PPM1A: variants seen among roughly 807,000 people sequenced by gnomAD.
PPM1A encodes the protein protein phosphatase, Mg2+/Mn2+ dependent 1A, also known as protein phosphatase 1A.
In PPM1A, 7 loss-of-function variants were observed where a neutral mutation model predicts 35.0. The observed-to-expected ratio is 0.20, with a 90% confidence interval of 0.11 to 0.38. PPM1A has a LOEUF of 0.38. Ranked by LOEUF, PPM1A falls within the 10% of genes least tolerant of loss-of-function variation. The pLI is 1.00. For synonymous variants in PPM1A, 153 were observed against 167.3 expected (o/e 0.91, Z 0.66); for missense variants, 239 against 467.8 (o/e 0.51, Z 4.51).
chr14:60,286,824 G>A (rs1887066266), intron 3 of PPM1A: 1 of 982,726 alleles, frequency 1.0e-6, no homozygotes, highest in African/African-American at 1.8e-5. Flanking sequence ...CATCTAGTAT[G>A]TGTTTGTACT....
chr14:60,292,342 C>G lies in PPM1A; in HGVS notation c.1120-111C>G. The G allele has an allele frequency of 1.3e-6, 1 of 763,168 alleles. No individual in the cohort carries two copies. Among genetic ancestry groups the G allele is most frequent in the Non-Finnish European group, 2.2e-6 (1 of 459,840 alleles). 47.3% of individuals were successfully genotyped at this position (763,168 alleles called of 1,614,324 possible). A position where few individuals can be genotyped will look rare whatever the true frequency, so the allele number is the denominator to read the frequency against. On this transcript the variant is annotated intron_variant, in intron 5 of 5. Transcript: ENST00000395076. This position sits in a 1 kb window ranked among gnomAD's most constrained non-coding sequence, Gnocchi z 4.2. ...ATATACTTTAAAAAACATTTATATT[C>G]TAAAAGTCATCTTTACAGAACATTA...
chr14:60,255,655 G>A (rs1216821160), intron 1 of PPM1A, among the ~76,000 whole-genome samples: 3 of 152,198 alleles, frequency 2.0e-5, no homozygotes, highest in Non-Finnish European at 4.4e-5. Context: ...AGTGATTGTT[G>A]TAGGAGGAGG....
chr14:60,254,445 G>A (rs1177863779), intron 1 of PPM1A, among the ~76,000 whole-genome samples: 1 of 152,186 alleles, frequency 6.6e-6, no homozygotes, highest in African/African-American at 2.4e-5. Context: ...TGATCAGTCA[G>A]TAAGGAAGGA....
At chr14:60,251,816 A>G (rs1882454919) in intron 1 of PPM1A, among the ~76,000 whole-genome samples, 1 of 151,912 alleles carries the variant, frequency 6.6e-6, no homozygotes, top group African/African-American at 2.4e-5. Flanking sequence ...TTCTTTTGGG[A>G]TTGGGATGTG....
At chr14:60,246,594 C>T (rs545720944), upstream of PPM1A, among the ~76,000 whole-genome samples, 50 of 152,236 alleles carry the variant, frequency 3.3e-4, no homozygotes, top group African/African-American at 1.2e-3. Flanking sequence ...CAAAGTCTTA[C>T]AGTTCAGAAG....
At chr14:60,250,830 C>T (rs1357144146) in intron 1 of PPM1A, among the ~76,000 whole-genome samples, 1 of 152,232 alleles carries the variant, frequency 6.6e-6, no homozygotes, top group Non-Finnish European at 1.5e-5. Flanking sequence ...TCTGCTGAGA[C>T]TTAGGGTTCC....
At chr14:60,264,372 G>A (rs1884134086) in intron 1 of PPM1A, among the ~76,000 whole-genome samples, 1 of 151,150 alleles carries the variant, frequency 6.6e-6, no homozygotes, top group Admixed American at 6.6e-5. Flanking sequence ...TCTTTATTCT[G>A]TCACCACTAC....
intron 1 of PPM1A, among the ~76,000 whole-genome samples, chr14:60,262,935 C>A (rs1566577509): frequency 6.6e-6 from 1 of 152,064 alleles, no homozygotes; most frequent in Non-Finnish European, 1.5e-5. Context: ...ATGAATAGTT[C>A]CTGGGTTTTG....
rs754116128 is a variant in PPM1A, at chr14:60,273,054, TCTC to T, written c.-20-9629_-20-9627del. ...AGGCTTCAACTGAGGAACACTTTCT[TCTC>T]ATTTCTTTGATGATAGCTTCTCTGT... On this transcript the variant is annotated intron_variant, in intron 1 of 5. Coordinates refer to ENST00000395076, the MANE Select transcript of PPM1A (RefSeq NM_021003.5). The surrounding 1 kb of genome is among the most constrained non-coding windows in gnomAD (Gnocchi z 4.3). 3.0e-4 allele frequency among the ~76,000 whole-genome samples: 46 copies of T among 152,330 alleles called. No homozygotes were observed. Among genetic ancestry groups the T allele is most frequent in the African/African-American group, 8.7e-4 (36 of 41,582 alleles).
chr14:60,254,487 T>C (rs1165626440), intron 1 of PPM1A, among the ~76,000 whole-genome samples: 1 of 152,094 alleles, frequency 6.6e-6, no homozygotes, highest in African/African-American at 2.4e-5. Flanking sequence ...GGAGTTACAG[T>C]TTATGGTTAG....
intron 3 of PPM1A, 116 bp downstream of exon 3, chr14:60,285,857 T>C: frequency 6.8e-7 from 1 of 1,465,446 alleles, no homozygotes; most frequent in Non-Finnish European, 9.0e-7. Context: ...GTGTCTAGTG[T>C]ATGAAAGTGG....
At chr14:60,259,139 C>G (rs1028916163) in intron 1 of PPM1A, among the ~76,000 whole-genome samples, 2 of 151,958 alleles carry the variant, frequency 1.3e-5, no homozygotes, top group Non-Finnish European at 2.9e-5. Flanking sequence ...CCTACATACA[C>G]AAAAAAATTG....
chr14:60,252,037 C>A (rs1357033654), intron 1 of PPM1A, among the ~76,000 whole-genome samples: 1 of 152,186 alleles, frequency 6.6e-6, no homozygotes, highest in East Asian at 1.9e-4. Context: ...TGAAAGAAAT[C>A]TATAGCAACA....
At chr14:60,288,709 C>G (rs1887292783) in intron 3 of PPM1A, among the ~76,000 whole-genome samples, 2 of 151,686 alleles carry the variant, frequency 1.3e-5, no homozygotes, top group Non-Finnish European at 2.9e-5. Flanking sequence ...AATTTTGAGG[C>G]CTGATCAAAG....
chr14:60,261,624 A>G (rs182704876), intron 1 of PPM1A, among the ~76,000 whole-genome samples: 1 of 152,316 alleles, frequency 6.6e-6, no homozygotes. Context: ...CCAGAGGATT[A>G]AATGGCACCA....
rs1219974958 is a variant in PPM1A, at chr14:60,289,437, G to A, written c.953-369G>A. 2.6e-5 allele frequency among the ~76,000 whole-genome samples: 4 copies of A among 152,062 alleles called. No homozygotes were observed. Among genetic ancestry groups the A allele is most frequent in the Non-Finnish European group, 5.9e-5 (4 of 67,978 alleles). On this transcript the variant is annotated intron_variant, in intron 3 of 5. Coordinates refer to ENST00000395076, the MANE Select transcript of PPM1A (RefSeq NM_021003.5). This position sits in a 1 kb window ranked among gnomAD's most constrained non-coding sequence, Gnocchi z 4.1. Reference sequence around the variant, plus strand: ...AATTCCACGCAGTGTATTATATAGGGCAAAGTTCAGGAAACATGTTTCCAG... The same window carrying A: ...AATTCCACGCAGTGTATTATATAGGACAAAGTTCAGGAAACATGTTTCCAG...
At chr14:60,276,333 A>G (rs561304046) in intron 1 of PPM1A, among the ~76,000 whole-genome samples, 1 of 152,092 alleles carries the variant, frequency 6.6e-6, no homozygotes, top group Admixed American at 6.5e-5. Context: ...CTCTCACTAT[A>G]TATTTTTTTC....
intron 1 of PPM1A, among the ~76,000 whole-genome samples, chr14:60,263,270 C>T (rs199771990): frequency 3.3e-5 from 5 of 152,194 alleles, no homozygotes; most frequent in African/African-American, 1.2e-4. Flanking sequence ...ATCTTAAATT[C>T]TTAGAGCCTA....
chr14:60,250,053 T>G (rs1595248446), intron 1 of PPM1A, among the ~76,000 whole-genome samples: 1 of 147,908 alleles, frequency 6.8e-6, no homozygotes, highest in Non-Finnish European at 1.5e-5. Flanking sequence ...GGAGGGGGCG[T>G]CCCCGCGCCC....
Sources: gnomAD v4.1 joint callset for allele counts (sites outside exome capture counted in the v4.1 genomes callset) on GRCh38, gnomAD v4.1.1 for gene constraint, Gnocchi (gnomAD v3.1) non-coding constraint, MANE v1.5 for transcripts, NCBI Gene and HGNC (gene_info 2026-07-23, HGNC 2026-07-21) for gene names.